Variants in IL1RL1 observed in about 807,000 individuals in gnomAD.
IL1RL1 encodes the protein interleukin 1 receptor like 1.
A neutral mutation model predicts 50.9 loss-of-function variants in IL1RL1; 32 were observed. The ratio of observed to expected loss-of-function variants is 0.63; its 90% CI spans 0.47 to 0.84. IL1RL1 has a LOEUF of 0.84. IL1RL1 is among the 40% of genes least tolerant of loss of function. The probability of loss-of-function intolerance (pLI) is 0.00; values close to 1 mark genes in which losing one functional copy is unlikely to be tolerated. For synonymous variants in IL1RL1, 275 were observed against 236.0 expected (o/e 1.17, Z -1.51); for missense variants, 773 against 662.9 (o/e 1.17, Z -1.82).
At chr2:102,313,848 C>T (rs1367756734) in intron 1 of IL1RL1, among the ~76,000 whole-genome samples, 2 of 152,180 alleles carry the variant, frequency 1.3e-5, no homozygotes, top group African/African-American at 4.8e-5. Context: ...TGTGCGTGCA[C>T]TTGCATGCGC....
intron 6 of IL1RL1, 33 bp downstream of exon 6, chr2:102,342,327 G>A: frequency 1.3e-6 from 2 of 1,482,484 alleles, no homozygotes; most frequent in Non-Finnish European, 9.4e-7. Flanking sequence ...TGTAAATATT[G>A]CCTGGAAAAA....
intron 1 of IL1RL1, among the ~76,000 whole-genome samples, chr2:102,315,543 C>A (rs370480915): frequency 6.6e-6 from 1 of 152,102 alleles, no homozygotes; most frequent in Non-Finnish European, 1.5e-5. Context: ...GGGTAAAGAC[C>A]GAGACTTTAG....
intron 1 of IL1RL1, among the ~76,000 whole-genome samples, chr2:102,334,957 T>A (rs1254087597): frequency 6.6e-6 from 1 of 152,154 alleles, no homozygotes; most frequent in Non-Finnish European, 1.5e-5. Context: ...AATAGGCACA[T>A]ACAGGATTTC....
At chr2:102,327,098 T>A (rs897433441) in intron 1 of IL1RL1, among the ~76,000 whole-genome samples, 3 of 152,082 alleles carry the variant, frequency 2.0e-5, no homozygotes, top group African/African-American at 7.2e-5. Flanking sequence ...GACCACATAG[T>A]TGGAAATAAA....
rs1677933879 is a variant in IL1RL1, at chr2:102,351,576, G to A, written c.1326G>A (p.Arg442=). The A allele has an allele frequency of 6.2e-7, 1 of 1,613,950 alleles. No individual in the cohort carries two copies. The highest frequency in any genetic ancestry group is 1.3e-5 in the African/African-American group (1 of 74,904). Residue 442 remains arginine, a synonymous_variant, in exon 11 of 11, where the codon AGG becomes AGA. Coordinates refer to ENST00000233954, the MANE Select transcript of IL1RL1 (RefSeq NM_016232.5). ...TGGAAACCAACATACGAAAGAGCAG[G>A]CGGCACATTTTCATCCTGACCCCTC... ...TAVETNIRKS[R]RHIFILTPQI... is the part of the protein sequence containing the mutation.
intron 7 of IL1RL1, 40 bp from the exon 8 acceptor site, chr2:102,343,230 C>T (rs1347036771): frequency 6.2e-7 from 1 of 1,613,966 alleles, no homozygotes; most frequent in East Asian, 2.2e-5. Flanking sequence ...TGGTTTGCAC[C>T]TGCAAAGTAG....
intron 1 of IL1RL1, among the ~76,000 whole-genome samples, chr2:102,311,938 A>G (rs1378307932): frequency 6.4e-5 from 3 of 46,782 alleles, no homozygotes; most frequent in Non-Finnish European, 1.1e-4. Context: ...TATATTATAT[A>G]TAATATTATA....
At chr2:102,311,966 A>ATTT (rs1559592112) in intron 1 of IL1RL1, among the ~76,000 whole-genome samples, 4 of 35,324 alleles carry the variant, frequency 1.1e-4, no homozygotes, top group Admixed American at 4.4e-4. Flanking sequence ...TATATTATAT[A>ATTT]TAATATTATA....
chr2:102,351,464 T>C (rs1677927714), intron 10 of IL1RL1, 72 bp from the exon 11 acceptor site: 3 of 1,338,588 alleles, frequency 2.2e-6, no homozygotes, highest in African/African-American at 1.5e-5. Context: ...AATAAGACTT[T>C]TAAATGTTCA....
At chr2:102,339,386 G>T in intron 3 of IL1RL1, 1 of 193,350 alleles carries the variant, frequency 5.2e-6, no homozygotes, top group Non-Finnish European at 1.1e-5. Context: ...TAATCTGGAT[G>T]TTTTCCATCT....
chr2:102,337,094 A>G (rs1279673529), intron 1 of IL1RL1: 3 of 152,178 alleles, frequency 2.0e-5, no homozygotes, highest in Non-Finnish European at 4.4e-5. Context: ...TCAAGGGATT[A>G]CTCAATGTTG....
chr2:102,334,226 C>A (rs950359343), intron 1 of IL1RL1, among the ~76,000 whole-genome samples: 3 of 152,146 alleles, frequency 2.0e-5, no homozygotes, highest in Non-Finnish European at 4.4e-5. Context: ...CCCTTTTCTC[C>A]ATATCCATGC....
chr2:102,342,863 G>A (rs1362241562), intron 6 of IL1RL1, among the ~76,000 whole-genome samples, 173 bp from the exon 7 acceptor site: 1 of 152,148 alleles, frequency 6.6e-6, no homozygotes, highest in Non-Finnish European at 1.5e-5. Flanking sequence ...GGTAATGGAA[G>A]CAGGGAGGAG....
chr2:102,347,169 T>A (rs1010461104), intron 8 of IL1RL1, among the ~76,000 whole-genome samples: 1 of 152,208 alleles, frequency 6.6e-6, no homozygotes, highest in Non-Finnish European at 1.5e-5. Context: ...CTCAGACCCG[T>A]TGATGCCTTC....
chr2:102,325,867 T>C (rs934110857), intron 1 of IL1RL1, among the ~76,000 whole-genome samples: 2 of 152,168 alleles, frequency 1.3e-5, no homozygotes, highest in Non-Finnish European at 1.5e-5. Flanking sequence ...AGACCAAATC[T>C]ACATCTGATT....
intron 1 of IL1RL1, among the ~76,000 whole-genome samples, chr2:102,322,932 A>T (rs1204229999): frequency 6.6e-6 from 1 of 152,108 alleles, no homozygotes; most frequent in African/African-American, 2.4e-5. Flanking sequence ...TGCTTAGCAT[A>T]ATTTTTCAGG....
At chr2:102,312,016 A>ATATAATATATATTATATATATTTC in intron 1 of IL1RL1, among the ~76,000 whole-genome samples, 1 of 33,024 alleles carries the variant, frequency 3.0e-5, no homozygotes, top group South Asian at 6.3e-4. Context: ...TATATATTAT[A>ATATAATATATATTATATATATTTC]TATAATATAT....
At chr2:102,328,734 T>G (rs1677087396) in intron 1 of IL1RL1, among the ~76,000 whole-genome samples, 1 of 152,216 alleles carries the variant, frequency 6.6e-6, no homozygotes, top group African/African-American at 2.4e-5. Flanking sequence ...GAACTCCCAT[T>G]CACAATTGCT....
chr2:102,332,278 G>A (rs375976555), intron 1 of IL1RL1, among the ~76,000 whole-genome samples: 10 of 152,154 alleles, frequency 6.6e-5, no homozygotes, highest in African/African-American at 2.4e-4. Context: ...GATTGGAGCA[G>A]GTTAAGGAGA....
Sources: gnomAD v4.1 joint callset for allele counts (sites outside exome capture counted in the v4.1 genomes callset) on GRCh38, gnomAD v4.1.1 for gene constraint, MANE v1.5 for transcripts, NCBI Gene and HGNC (gene_info 2026-07-23, HGNC 2026-07-21) for gene names.